VCL: variants seen among roughly 807,000 people sequenced by gnomAD.
VCL encodes epididymis luminal protein 114.
In VCL, 47 loss-of-function variants were observed where a neutral mutation model predicts 125.7. That is an observed-to-expected ratio of 0.37 (90% CI 0.30 to 0.48). VCL has a LOEUF of 0.48. Ranked by LOEUF, VCL falls within the 20% of genes least tolerant of loss-of-function variation. The probability of loss-of-function intolerance (pLI) is 0.99; values close to 1 mark genes in which losing one functional copy is unlikely to be tolerated. For synonymous variants in VCL, 458 were observed against 514.6 expected, an observed-to-expected ratio of 0.89 and a Z score of 1.49; for missense variants, 1,069 against 1,455.5, an observed-to-expected ratio of 0.73 and a Z score of 4.32.
intron 1 of VCL, among the ~76,000 whole-genome samples, chr10:74,011,197 G>T (rs1374692628): frequency 6.7e-6 from 1 of 149,692 alleles, no homozygotes; most frequent in Non-Finnish European, 1.5e-5. Flanking sequence ...AAAAAGACAC[G>T]GGATCAAATA....
At chr10:74,078,816 C>T (rs1839633605) in intron 6 of VCL, among the ~76,000 whole-genome samples, 1 of 151,948 alleles carries the variant, frequency 6.6e-6, no homozygotes, top group Admixed American at 6.6e-5. Flanking sequence ...ACATCTTAAA[C>T]CAGAAACATC....
At chr10:74,018,907 A>AT (rs1379903351) in intron 1 of VCL, among the ~76,000 whole-genome samples, 1 of 152,154 alleles carries the variant, frequency 6.6e-6, no homozygotes, top group Non-Finnish European at 1.5e-5. Context: ...GTCCCCTTTC[A>AT]TACAAATGAA....
intron 1 of VCL, among the ~76,000 whole-genome samples, chr10:74,024,909 C>T (rs1005125284): frequency 1.3e-5 from 2 of 152,164 alleles, no homozygotes; most frequent in African/African-American, 2.4e-5. Flanking sequence ...CCATTGTGTA[C>T]TTGAAGTTTT....
chr10:74,003,160 C>T (rs1227751625), intron 1 of VCL, among the ~76,000 whole-genome samples: 1 of 151,604 alleles, frequency 6.6e-6, no homozygotes, highest in Non-Finnish European at 1.5e-5. Context: ...GCAACTTCTG[C>T]CTCCCGGGTT....
chr10:74,034,696 A>G (rs1840941415), intron 1 of VCL, among the ~76,000 whole-genome samples: 1 of 152,230 alleles, frequency 6.6e-6, no homozygotes, highest in South Asian at 2.1e-4. Context: ...AAATCAGAGT[A>G]GATTAGAGAG....
Position 74,112,067 on chromosome 10 carries a change from C to G in VCL, c.2904C>G (p.Ala968=). Residue 968 remains alanine, a synonymous_variant, in exon 19 of 22, where the codon GCC becomes GCG. Transcript: ENST00000211998. The part of the protein sequence containing the change: ...SNQPVNQPIL[A]AAQSLHREAT... Reference sequence around the variant, plus strand: ...AGCCGGTCAACCAGCCCATTCTGGCCGCGGCTCAGTCCTTGCATCGGGAAG... The same window carrying G: ...AGCCGGTCAACCAGCCCATTCTGGCGGCGGCTCAGTCCTTGCATCGGGAAG... The G allele has an allele frequency of 1.1e-5, 17 of 1,614,170 alleles. No individual in the cohort carries two copies. Among genetic ancestry groups the G allele is most frequent in the Non-Finnish European group, 1.4e-5 (17 of 1,180,030 alleles).
intron 2 of VCL, among the ~76,000 whole-genome samples, chr10:74,066,532 A>G (rs1841573700): frequency 6.6e-6 from 1 of 152,190 alleles, no homozygotes; most frequent in Admixed American, 6.5e-5. Flanking sequence ...TTAGGTATGT[A>G]TACATATATA....
chr10:74,074,823 GA>G lies in VCL; in HGVS notation c.709del (p.Met237Ter). ...EALKNRNFTV[E>X]KMSAEINEII... Reference sequence around the variant, plus strand: ...TTTAAAAAATCGCAATTTTACTGTAGAAAAAATGAGTGCTGAAATTAATGAG... The same window carrying G: ...TTTAAAAAATCGCAATTTTACTGTAGAAAAATGAGTGCTGAAATTAATGAG... On this transcript the variant is annotated frameshift_variant, in exon 6 of 22. Transcript: ENST00000211998. LOFTEE classifies it high-confidence loss of function. 1 of 1,614,084 alleles carries G rather than the reference GA, an allele frequency of 6.2e-7. No individual in the cohort carries two copies. The highest frequency in any genetic ancestry group is 8.5e-7 in the Non-Finnish European group (1 of 1,180,014).
At chr10:74,024,944 G>C (rs552074928) in intron 1 of VCL, among the ~76,000 whole-genome samples, 1 of 152,304 alleles carries the variant, frequency 6.6e-6, no homozygotes, top group South Asian at 2.1e-4. Context: ...CCATCTGATA[G>C]TGCTGTAGAG....
chr10:74,010,651 A>AT (rs978611266), intron 1 of VCL, among the ~76,000 whole-genome samples: 21 of 151,942 alleles, frequency 1.4e-4, no homozygotes, highest in African/African-American at 2.9e-4. Flanking sequence ...CACCGTTTAA[A>AT]AAAAAAAACA....
At position 74,033,587 on chromosome 10, in the gene VCL, A is replaced by G. The variant is rs527447874; in HGVS notation, c.169-9496A>G. Among the ~76,000 whole-genome samples, 7 of 152,152 alleles carry G rather than the reference A, an allele frequency of 4.6e-5. No homozygotes were observed. In the South Asian group the frequency reaches 1.5e-3, roughly 32 times the overall value. ...CCCCTATCTCTGATATTTTCTTTCC[A>G]GCTTTTTTCACCAGCTTGTTCTTCC... On this transcript the variant is annotated intron_variant, in intron 1 of 21. Coordinates refer to ENST00000211998, the MANE Select transcript of VCL (RefSeq NM_014000.3).
At chr10:74,013,779 G>A (rs1488993071) in intron 1 of VCL, among the ~76,000 whole-genome samples, 5 of 152,126 alleles carry the variant, frequency 3.3e-5, no homozygotes, top group Non-Finnish European at 7.3e-5. Context: ...TCATTAAAAT[G>A]TTTATAACTA....
intron 1 of VCL, among the ~76,000 whole-genome samples, chr10:74,039,977 C>T (rs1179083556): frequency 1.3e-5 from 2 of 152,116 alleles, no homozygotes; most frequent in Non-Finnish European, 2.9e-5. Context: ...GGCCTCTTTC[C>T]AGTTCCTAAA....
chr10:74,026,206 G>A (rs1277146743), intron 1 of VCL, among the ~76,000 whole-genome samples: 1 of 152,172 alleles, frequency 6.6e-6, no homozygotes, highest in African/African-American at 2.4e-5. Context: ...TTTCCTATTG[G>A]CATAGCTGCT....
chr10:74,054,406 C>T (rs906260682), intron 2 of VCL, among the ~76,000 whole-genome samples: 2 of 152,154 alleles, frequency 1.3e-5, no homozygotes, highest in South Asian at 2.1e-4. Context: ...TGTTGATAGA[C>T]GTTAGCCTGC....
At chr10:74,014,717 C>T (rs747595270) in intron 1 of VCL, among the ~76,000 whole-genome samples, 3 of 152,124 alleles carry the variant, frequency 2.0e-5, no homozygotes, top group African/African-American at 4.8e-5. Context: ...AGTTTTGAGA[C>T]AGGGTCTCAC....
Position 74,070,809 on chromosome 10 carries a change from G to A in VCL, c.379G>A (p.Asp127Asn), listed in dbSNP as rs1554816666. The A allele has an allele frequency of 1.9e-6, 3 of 1,614,056 alleles. No homozygotes were observed. Among genetic ancestry groups the A allele is most frequent in the Non-Finnish European group, 2.5e-6 (3 of 1,180,012 alleles). The change falls in exon 3 of 22, where the codon GAT becomes AAT. Residue 127 changes from aspartate (D) to asparagine (N), a missense_variant. Physicochemically the swap from Asp to Asn is conservative, Grantham distance 23 (BLOSUM62 1). Coordinates refer to ENST00000211998, the MANE Select transcript of VCL (RefSeq NM_014000.3). Reference sequence around the variant, plus strand: ...AACATCAGACCTGCTCCTTACCTTCGATGAGGCTGAGGTAGGCAATCTGAG... The same window carrying A: ...AACATCAGACCTGCTCCTTACCTTCAATGAGGCTGAGGTAGGCAATCTGAG... ...SGTSDLLLTF[D>N]EAEVRKIIRV...
chr10:74,006,800 C>T (rs149890801), intron 1 of VCL, among the ~76,000 whole-genome samples: 11 of 152,178 alleles, frequency 7.2e-5, no homozygotes, highest in African/African-American at 2.4e-4. Flanking sequence ...TCCAATATAG[C>T]TCATGATATA....
chr10:74,067,201 G>A (rs1210305081), intron 2 of VCL, among the ~76,000 whole-genome samples: 2 of 151,992 alleles, frequency 1.3e-5, no homozygotes, highest in Non-Finnish European at 2.9e-5. Flanking sequence ...TTACAACTCA[G>A]CCCCAAAAGA....
Sources: allele counts gnomAD v4.1 joint callset (sites outside exome capture counted in the v4.1 genomes callset), GRCh38; gene constraint gnomAD v4.1.1; transcripts MANE v1.5; gene names NCBI Gene and HGNC (gene_info 2026-07-23, HGNC 2026-07-21).